The following RNF14 variants were observed in gnomAD, a reference collection of about 807,000 sequenced individuals.
RNF14 encodes ring finger protein 14, also known as E3 ubiquitin-protein ligase RNF14.
A neutral mutation model predicts 52.6 loss-of-function variants in RNF14; 26 were observed. The observed-to-expected ratio is 0.49, with a 90% CI of 0.36 to 0.69. The LOEUF is 0.69. Among genes scored for constraint, RNF14 ranks in the 30% least tolerant of loss-of-function variants. RNF14 has a pLI of 0.00. For missense variants in RNF14, 404 were observed against 560.4 expected, an observed-to-expected ratio of 0.72 and a Z score of 2.82; for synonymous variants, 194 against 202.0, an observed-to-expected ratio of 0.96 and a Z score of 0.34.
At chr5:141,957,022 C>G (rs909736018), upstream of RNF14, 2 of 1,614,042 alleles carry the variant, frequency 1.2e-6, no homozygotes, top group Admixed American at 1.7e-5. The surrounding 1 kb of genome is among the most constrained non-coding windows in gnomAD (Gnocchi z 4.3). Context: ...CTCCACCTCC[C>G]CATTGGGGCC....
chr5:141,988,394 T>C lies in RNF14; in HGVS notation c.*604T>C, dbSNP rs1039527408. Reference sequence around the variant, plus strand: ...CTTTTCAGAATGGAAATTTATAATATAAATATATGTTTTAATACCACAAAC... The same window carrying C: ...CTTTTCAGAATGGAAATTTATAATACAAATATATGTTTTAATACCACAAAC... On this transcript the variant is annotated 3_prime_UTR_variant, in exon 9 of 9. Coordinates refer to ENST00000394520, the MANE Select transcript of RNF14 (RefSeq NM_004290.5). 2.6e-5 allele frequency: 4 copies of C among 152,280 alleles called. No individual in the cohort carries two copies. Among genetic ancestry groups the C allele is most frequent in the African/African-American group, 9.6e-5 (4 of 41,456 alleles). The allele number at this position is 152,280 out of a possible 1,614,324, so 9.4% of individuals were successfully genotyped here.
At chr5:141,955,292 T>C (rs764333172), upstream of RNF14, 2 of 1,614,184 alleles carry the variant, frequency 1.2e-6, no homozygotes, top group Non-Finnish European at 1.7e-6. This position sits in a 1 kb window ranked among gnomAD's most constrained non-coding sequence, Gnocchi z 5.5. Flanking sequence ...TTCCTCTGCC[T>C]GGGATGGTTG....
intron 7 of RNF14, 110 bp from the exon 8 acceptor site, chr5:141,984,693 A>G (rs1029480780): frequency 1.9e-5 from 18 of 947,896 alleles, no homozygotes; most frequent in Non-Finnish European, 2.5e-5. Context: ...TCAACCCTGC[A>G]TAAGAAAAGG....
chr5:141,956,139 G>A (rs770371311), upstream of RNF14: 7 of 1,613,998 alleles, frequency 4.3e-6, no homozygotes, highest in South Asian at 2.2e-5. Context: ...CTTTTCCATC[G>A]CTGAGCACAG....
At chr5:141,978,928 G>C in intron 5 of RNF14, 98 bp downstream of exon 5, 3 of 1,291,406 alleles carry the variant, frequency 2.3e-6, no homozygotes, top group African/African-American at 1.5e-5. Context: ...GGGGCAGTCC[G>C]AGGCCTTGGA....
intron 2 of RNF14, 138 bp downstream of exon 2, chr5:141,971,015 T>C (rs1364513085): frequency 6.6e-6 from 1 of 152,292 alleles, no homozygotes; most frequent in African/African-American, 2.4e-5. Flanking sequence ...AGTATGACCT[T>C]TTAAAATGTA....
intron 4 of RNF14, 136 bp from the exon 5 acceptor site, chr5:141,978,167 A>G: frequency 1.4e-6 from 1 of 693,458 alleles, no homozygotes; most frequent in Admixed American, 2.9e-5. Context: ...TATGTAGCAC[A>G]GTGTATCACA....
At chr5:141,965,972 A>T (rs986474880), upstream of RNF14, among the ~76,000 whole-genome samples, 3 of 151,218 alleles carry the variant, frequency 2.0e-5, no homozygotes, top group African/African-American at 7.3e-5. Flanking sequence ...CCATGAACTT[A>T]AAAGTTAAAA....
chr5:141,961,613 C>T (rs1753275925), intron 1 of RNF14, among the ~76,000 whole-genome samples: 1 of 152,062 alleles, frequency 6.6e-6, no homozygotes. Flanking sequence ...GGACAGCCTC[C>T]CTTAAGTCCA....
intron 6 of RNF14, among the ~76,000 whole-genome samples, chr5:141,980,943 A>G (rs1754716975): frequency 6.6e-6 from 1 of 152,172 alleles, no homozygotes; most frequent in Non-Finnish European, 1.5e-5. Flanking sequence ...CTTCCTCAAC[A>G]TGGCACTTCG....
the RNF14 span, among the ~76,000 whole-genome samples, chr5:141,950,820 G>A: frequency 6.6e-6 from 1 of 152,212 alleles, no homozygotes; most frequent in Non-Finnish European, 1.5e-5. Context: ...AGTTAGCATT[G>A]TGTGTGCACC....
At chr5:141,977,860 T>C (rs1754402344) in intron 4 of RNF14, among the ~76,000 whole-genome samples, 1 of 152,264 alleles carries the variant, frequency 6.6e-6, no homozygotes, top group South Asian at 2.1e-4. Context: ...ATTCTTTTTC[T>C]AACCATTATT....
Position 141,984,866 on chromosome 5 carries a change from A to G in RNF14, c.1300A>G (p.Met434Val), listed in dbSNP as rs1371672082. Residue 434 changes from methionine (M) to valine (V), a missense_variant, in exon 8 of 9, where the codon ATG becomes GTG. Transcript: ENST00000394520. ...TATGCAATATTTCTGTTGGATTTGC[A>G]TGGGTTCTCTCTCTAGAGCAAACCC... ...GCMQYFCWIC[M>V]GSLSRANPYK... is the part of the protein sequence containing the mutation. 6.2e-7 allele frequency: 1 copy of G among 1,613,684 alleles called. No individual in the cohort carries two copies. Among genetic ancestry groups the G allele is most frequent in the Non-Finnish European group, 8.5e-7 (1 of 1,179,592 alleles).
chr5:141,954,832 C>T, upstream of RNF14: 1 of 1,144,580 alleles, frequency 8.7e-7, no homozygotes, highest in Non-Finnish European at 1.2e-6. Context: ...GTGCCCTGAA[C>T]CATTGCTACC....
At chr5:141,974,376 C>T (rs1754059117) in intron 3 of RNF14, among the ~76,000 whole-genome samples, 1 of 152,206 alleles carries the variant, frequency 6.6e-6, no homozygotes, top group Non-Finnish European at 1.5e-5. Flanking sequence ...CCAACTGATT[C>T]ATGGGTAGTT....
intron 6 of RNF14, 98 bp downstream of exon 6, chr5:141,980,449 G>A (rs1214138402): frequency 4.5e-6 from 4 of 886,192 alleles, no homozygotes; most frequent in Non-Finnish European, 3.5e-6. Flanking sequence ...CAATTTGGAA[G>A]TATTCATTTA....
intron 1 of RNF14, among the ~76,000 whole-genome samples, chr5:141,960,423 T>C (rs1011464728): frequency 6.6e-6 from 1 of 152,134 alleles, no homozygotes; most frequent in African/African-American, 2.4e-5. Flanking sequence ...GCAAAGCTGG[T>C]GGCAGGGGCA....
chr5:141,980,550 T>A (rs1435386720), intron 6 of RNF14, among the ~76,000 whole-genome samples, 199 bp downstream of exon 6: 1 of 152,200 alleles, frequency 6.6e-6, no homozygotes, highest in East Asian at 1.9e-4. Context: ...GGAACTCACA[T>A]TCTACCAGGG....
rs1351820925 is a variant in RNF14, at chr5:141,990,174, T to G, written c.*2384T>G. ...AGATGTATAGTTTTGGTAGAGTACT[T>G]TTGTCTCAGTAAAATGAAAGATTTG... On this transcript the variant is annotated 3_prime_UTR_variant, in exon 9 of 9. Transcript: ENST00000394520. 1 of 152,152 alleles carries G rather than the reference T, an allele frequency of 6.6e-6. No homozygotes were observed. Among genetic ancestry groups the G allele is most frequent in the Non-Finnish European group, 1.5e-5 (1 of 68,024 alleles). The allele number at this position is 152,152 out of a possible 1,614,324, so 9.4% of individuals were successfully genotyped here. A position where few individuals can be genotyped will look rare whatever the true frequency, so the allele number is the denominator to read the frequency against.
Sources: allele counts gnomAD v4.1 joint callset (sites outside exome capture counted in the v4.1 genomes callset), GRCh38; gene constraint gnomAD v4.1.1; non-coding constraint Gnocchi (gnomAD v3.1); transcripts MANE v1.5; gene names NCBI Gene and HGNC (gene_info 2026-07-23, HGNC 2026-07-21).